Variants in ENTPD8 observed in about 807,000 individuals in gnomAD.
The protein encoded by ENTPD8 is ectonucleoside triphosphate diphosphohydrolase 8.
In ENTPD8, 35 loss-of-function variants were observed where a neutral mutation model predicts 47.0. The observed-to-expected ratio is 0.75, with a 90% CI of 0.57 to 0.99. The LOEUF (loss-of-function observed/expected upper bound fraction) is 0.99. Among genes scored for constraint, ENTPD8 ranks in the 50% least tolerant of loss-of-function variants. The pLI is 0.00. For synonymous variants in ENTPD8, 308 were observed against 290.5 expected, an observed-to-expected ratio of 1.06 and a Z score of -0.61; for missense variants, 668 against 649.9, an observed-to-expected ratio of 1.03 and a Z score of -0.30.
intron 8 of ENTPD8, 52 bp downstream of exon 8, chr9:137,435,667 C>T: frequency 1.3e-6 from 2 of 1,525,068 alleles, no homozygotes; most frequent in Non-Finnish European, 1.8e-6. Context: ...CCGAGGCAGC[C>T]CTGTACCCTC....
Position 137,434,722 on chromosome 9 carries a change from A to G in ENTPD8, c.*192T>C, listed in dbSNP as rs1588474173. 1 of 735,678 alleles carries G rather than the reference A, an allele frequency of 1.4e-6. No homozygotes were observed. The highest frequency in any genetic ancestry group is 2.1e-6 in the Non-Finnish European group (1 of 470,656). The allele number at this position is 735,678 out of a possible 1,614,324, so 45.6% of individuals were successfully genotyped here. On this transcript the variant is annotated 3_prime_UTR_variant, in exon 10 of 10. Coordinates refer to ENST00000371506, the MANE Select transcript of ENTPD8 (RefSeq NM_001033113.2). Reference sequence around the variant, plus strand: ...CCCAGTTGCGGAAGGAGGTTGGGGGAGGGACGCCGGGAGGGGAGGTCATGC... The same window carrying G: ...CCCAGTTGCGGAAGGAGGTTGGGGGGGGGACGCCGGGAGGGGAGGTCATGC...
rs1170594002 is a variant in ENTPD8, at chr9:137,434,920, C to T, written c.1482G>A (p.Gln494=). The T allele has an allele frequency of 6.2e-7, 1 of 1,609,338 alleles. No individual in the cohort carries two copies. ...GCCCACCTCCGCCTTCCCACTAGTC[C>T]TGCAACCAGAAGAGCTGGACCAAGG... The part of the protein sequence containing the change: ...GAALVQLFWL[Q]D Residue 494 remains glutamine, a synonymous_variant, in exon 10 of 10, where the codon CAG becomes CAA. Coordinates refer to ENST00000371506, the MANE Select transcript of ENTPD8 (RefSeq NM_001033113.2).
At chr9:137,439,938 C>G (rs1235614019) in intron 1 of ENTPD8, among the ~76,000 whole-genome samples, 1 of 86,036 alleles carries the variant, frequency 1.2e-5, no homozygotes, top group Admixed American at 1.4e-4. Flanking sequence ...ACCAGGAGAG[C>G]CCCCCAGACC....
intron 3 of ENTPD8, 110 bp downstream of exon 3, chr9:137,437,857 G>T: frequency 1.0e-6 from 1 of 998,578 alleles, no homozygotes; most frequent in Non-Finnish European, 1.5e-6. Context: ...CCCGGCGTGT[G>T]AGCTCAGCCA....
In ENTPD8 at chr9:137,435,219, G is replaced by A. The variant is rs144921257; in HGVS notation, c.1281C>T (p.Leu427=). Residue 427 remains leucine, a synonymous_variant, in exon 9 of 10, where the codon CTC becomes CTT. Coordinates refer to ENST00000371506, the MANE Select transcript of ENTPD8 (RefSeq NM_001033113.2). ...AGGCAGTCACCTGCTTTCGGAACTC[G>A]AGGCTGGGCCAGGTCTCCTCGCTGA... ...YGFSEETWPS[L]EFRKQAGGVD... 150 of 1,611,360 alleles carry A rather than the reference G, an allele frequency of 9.3e-5. No homozygotes were observed. The highest frequency in any genetic ancestry group is 1.2e-4 in the Non-Finnish European group (140 of 1,179,596).
At position 137,438,145 on chromosome 9, in the gene ENTPD8, C is replaced by CCGG. The variant is rs777083097; in HGVS notation, c.126+12_126+14dup. 1 of 1,608,792 alleles carries CCGG rather than the reference C, an allele frequency of 6.2e-7. No homozygotes were observed. The highest frequency in any genetic ancestry group is 1.1e-5 in the South Asian group (1 of 90,858). ...TGTGGACCCGGCCCGGCCTCCCCTG[C>CCGG]CGGCGGGGACGCACCTTGATGTCTG... On this transcript the variant is annotated intron_variant, in intron 2 of 9. Transcript: ENST00000371506. This position sits in a 1 kb window ranked among gnomAD's most constrained non-coding sequence, Gnocchi z 5.7.
In ENTPD8 at chr9:137,434,513, G is replaced by T; in HGVS notation, c.*401C>A. ...CAACAGCAGGGAGAGCGGGGGTCCA[G>T]GTGGGGCAGCTCCCTCCCTTCCACC... On this transcript the variant is annotated 3_prime_UTR_variant, in exon 10 of 10. Transcript: ENST00000371506. 1.1e-6 allele frequency: 1 copy of T among 924,878 alleles called. No homozygotes were observed. The allele number at this position is 924,878 out of a possible 1,614,324, so 57.3% of individuals were successfully genotyped here. A position where few individuals can be genotyped will look rare whatever the true frequency, so the allele number is the denominator to read the frequency against.
chr9:137,435,655 G>T, intron 8 of ENTPD8, 64 bp downstream of exon 8: 1 of 1,467,484 alleles, frequency 6.8e-7, no homozygotes, highest in Non-Finnish European at 9.5e-7. Flanking sequence ...CCAGCATCCT[G>T]CCCGAGGCAG....
At position 137,434,682 on chromosome 9, in the gene ENTPD8, C is replaced by T. The variant is rs567607035; in HGVS notation, c.*232G>A. The T allele has an allele frequency of 1.1e-4, 67 of 636,120 alleles. 1 individual carries two copies. The South Asian group carries it at 1.4e-3, about 13-fold the overall frequency. 39.4% of individuals were successfully genotyped at this position (636,120 alleles called of 1,614,324 possible). On this transcript the variant is annotated 3_prime_UTR_variant, in exon 10 of 10. Coordinates refer to ENST00000371506, the MANE Select transcript of ENTPD8 (RefSeq NM_001033113.2). ...TGGCGGCCTGTGTGCAGAAAGGCAC[C>T]TACGGCCCTGGAAGCCCAGTTGCGG...
chr9:137,437,881 C>G, intron 3 of ENTPD8, 86 bp downstream of exon 3: 1 of 1,275,620 alleles, frequency 7.8e-7, no homozygotes, highest in Non-Finnish European at 1.1e-6. Flanking sequence ...CACTGAACCT[C>G]TCCAAACCCT....
At position 137,438,142 on chromosome 9, in the gene ENTPD8, C is replaced by T; in HGVS notation, c.126+18G>A. ...ACCTGTGGACCCGGCCCGGCCTCCCCTGCCGGCGGGGACGCACCTTGATGT... is the reference window on the plus strand; with the variant it reads ...ACCTGTGGACCCGGCCCGGCCTCCCTTGCCGGCGGGGACGCACCTTGATGT... On this transcript the variant is annotated intron_variant, in intron 2 of 9. Coordinates refer to ENST00000371506, the MANE Select transcript of ENTPD8 (RefSeq NM_001033113.2). The surrounding 1 kb of genome is among the most constrained non-coding windows in gnomAD (Gnocchi z 5.7). The T allele has an allele frequency of 6.2e-7, 1 of 1,609,712 alleles. No homozygotes were observed. The highest frequency in any genetic ancestry group is 8.5e-7 in the Non-Finnish European group (1 of 1,177,736).
At position 137,434,870 on chromosome 9, in the gene ENTPD8, G is replaced by A. The variant is rs757610456; in HGVS notation, c.*44C>T. 15 of 1,537,426 alleles carry A rather than the reference G, an allele frequency of 9.8e-6. No individual in the cohort carries two copies. The highest frequency in any genetic ancestry group is 1.1e-5 in the Non-Finnish European group (13 of 1,141,256). On this transcript the variant is annotated 3_prime_UTR_variant, in exon 10 of 10. Coordinates refer to ENST00000371506, the MANE Select transcript of ENTPD8 (RefSeq NM_001033113.2). The stretch of plus-strand genomic sequence containing the variant: ...TCAGGAAGCCTCCAGCATCCGGGAC[G>A]CAGCTGCCTGTGGGCTCTGTGGGGG...
At position 137,438,037 on chromosome 9, in the gene ENTPD8, C is replaced by G. The variant is rs1839417666; in HGVS notation, c.174G>C (p.Leu58=). ...TCTCCTTGTTCGCCAGCCACTGATACAGGAAGAGGGACGTGTGGGAGGAGC... is the reference window on the plus strand; with the variant it reads ...TCTCCTTGTTCGCCAGCCACTGATAGAGGAAGAGGGACGTGTGGGAGGAGC... ...DAGSSHTSLF[L]YQWLANKENG... The change falls in exon 3 of 10, where the codon CTG becomes CTC. Residue 58 remains leucine (L), a synonymous_variant. Coordinates refer to ENST00000371506, the MANE Select transcript of ENTPD8 (RefSeq NM_001033113.2). This position sits in a 1 kb window ranked among gnomAD's most constrained non-coding sequence, Gnocchi z 5.7. The G allele has an allele frequency of 1.2e-6, 2 of 1,612,930 alleles. No homozygotes were observed. The highest frequency in any genetic ancestry group is 1.1e-5 in the South Asian group (1 of 91,092).
rs1839339340 is a variant in ENTPD8 at position 137,436,012 on chromosome 9, C to T, written c.1050+1G>A. ...CTGGTGGGGGCAGTGTAGGTGCTCA[C>T]ATAGAACTGGCCCCGCAGCGGGGGC... On this transcript the variant is annotated splice_donor_variant, in intron 7 of 9. Transcript: ENST00000371506. LOFTEE classifies it high-confidence loss of function. The T allele has an allele frequency of 1.2e-6, 2 of 1,612,556 alleles. No individual in the cohort carries two copies. The highest frequency in any genetic ancestry group is 2.2e-5 in the East Asian group (1 of 44,898).
chr9:137,435,405 A>T, intron 8 of ENTPD8, 67 bp from the exon 9 acceptor site: 1 of 1,556,454 alleles, frequency 6.4e-7, no homozygotes. Context: ...GGACCGCCCC[A>T]TCTGTCCTGG....
rs1030236827 is a variant in ENTPD8, at chr9:137,438,848, G to A, written c.-20-543C>T. ...TCGGACCCCCTCGGATGGGACTCGCGGAGCTGCCCCCACCATGTGATGGGG... is the reference window on the plus strand; with the variant it reads ...TCGGACCCCCTCGGATGGGACTCGCAGAGCTGCCCCCACCATGTGATGGGG... On this transcript the variant is annotated intron_variant, in intron 1 of 9. Transcript: ENST00000371506. This position sits in a 1 kb window ranked among gnomAD's most constrained non-coding sequence, Gnocchi z 5.7. Among the ~76,000 whole-genome samples, 2 of 152,048 alleles carry A rather than the reference G, an allele frequency of 1.3e-5. No individual in the cohort carries two copies. Among genetic ancestry groups the A allele is most frequent in the African/African-American group, 2.4e-5 (1 of 41,398 alleles).
Position 137,434,665 on chromosome 9 carries a change from T to C in ENTPD8, c.*249A>G, listed in dbSNP as rs1253232901. Reference sequence around the variant, plus strand: ...GGAGACACCACGAGTCCTGGCGGCCTGTGTGCAGAAAGGCACCTACGGCCC... The same window carrying C: ...GGAGACACCACGAGTCCTGGCGGCCCGTGTGCAGAAAGGCACCTACGGCCC... On this transcript the variant is annotated 3_prime_UTR_variant, in exon 10 of 10. Coordinates refer to ENST00000371506, the MANE Select transcript of ENTPD8 (RefSeq NM_001033113.2). The C allele has an allele frequency of 8.3e-6, 5 of 605,558 alleles. No homozygotes were observed. In the East Asian group the frequency reaches 1.2e-4, roughly 14 times the overall value. 37.5% of individuals were successfully genotyped at this position (605,558 alleles called of 1,614,324 possible). A position where few individuals can be genotyped will look rare whatever the true frequency, so the allele number is the denominator to read the frequency against.
rs1242450836 is a variant in ENTPD8 at position 137,438,769 on chromosome 9, G to A, written c.-20-464C>T. On this transcript the variant is annotated intron_variant, in intron 1 of 9. Coordinates refer to ENST00000371506, the MANE Select transcript of ENTPD8 (RefSeq NM_001033113.2). The surrounding 1 kb of genome is among the most constrained non-coding windows in gnomAD (Gnocchi z 5.7). ...AGGGCCCTGTGGGAGGGGGGCGGGG[G>A]GCAGCAGAGGCCTCGTCTGGGGACA... 3.9e-5 allele frequency among the ~76,000 whole-genome samples: 6 copies of A among 152,098 alleles called. No homozygotes were observed. In the East Asian group the frequency reaches 1.2e-3, roughly 29 times the overall value.
Position 137,437,995 on chromosome 9 carries a change from G to T in ENTPD8, c.216C>A (p.Val72=). 6.2e-7 allele frequency: 1 copy of T among 1,612,742 alleles called. No individual in the cohort carries two copies. The highest frequency in any genetic ancestry group is 1.1e-5 in the South Asian group (1 of 91,064). ...LANKENGTGV[V]SQALACQVEG... ...CCACCTGGCAGGCCAGGGCCTGGCT[G>T]ACCACACCCGTGCCATTCTCCTTGT... Residue 72 remains valine, a synonymous_variant, in exon 3 of 10, where the codon GTC becomes GTA. Transcript: ENST00000371506.
Sources: gnomAD v4.1 joint callset for allele counts (sites outside exome capture counted in the v4.1 genomes callset) on GRCh38, gnomAD v4.1.1 for gene constraint, Gnocchi (gnomAD v3.1) non-coding constraint, MANE v1.5 for transcripts, NCBI Gene and HGNC (gene_info 2026-07-23, HGNC 2026-07-21) for gene names.